The following PPARGC1B variants were observed in gnomAD, a reference collection of about 807,000 sequenced individuals.
PPARGC1B encodes PPARG coactivator 1 beta.
PPARGC1B carries 34 observed loss-of-function variants against 101.6 expected under a neutral mutation model. That is an observed-to-expected ratio of 0.33 (90% confidence interval 0.25 to 0.45). PPARGC1B has a LOEUF of 0.45. Ranked by LOEUF, PPARGC1B falls within the 20% of genes least tolerant of loss-of-function variation. The pLI is 1.00. For synonymous variants in PPARGC1B, 548 were observed against 539.3 expected (o/e 1.02, Z -0.22); for missense variants, 1,234 against 1,317.6 (o/e 0.94, Z 0.98).
chr5:149,733,390 T>C (rs4705365), intron 1 of PPARGC1B, among the ~76,000 whole-genome samples: 123,527 of 152,146 alleles, frequency 0.81, 50,295 homozygotes, highest in South Asian at 0.9. Flanking sequence ...GTACCCTCAC[T>C]CACCCGTCCT....
intron 2 of PPARGC1B, 41 bp downstream of exon 2, chr5:149,820,647 CCT>C: frequency 1.3e-6 from 2 of 1,566,196 alleles, no homozygotes; most frequent in Non-Finnish European, 1.7e-6. Flanking sequence ...CCCTGCCAGG[CCT>C]CTCTCTCCTC....
chr5:149,791,777 G>GCAGTAC (rs1363087664), intron 1 of PPARGC1B, among the ~76,000 whole-genome samples: 1 of 152,186 alleles, frequency 6.6e-6, no homozygotes, highest in Non-Finnish European at 1.5e-5. Flanking sequence ...CTGGTGTCCA[G>GCAGTAC]CAGTACCCTT....
intron 3 of PPARGC1B, among the ~76,000 whole-genome samples, chr5:149,829,633 C>T (rs1758664013): frequency 1.3e-5 from 2 of 151,578 alleles, no homozygotes; most frequent in African/African-American, 4.9e-5. Context: ...AGCTCAGGTA[C>T]ACTCTGTACC....
chr5:149,769,317 C>CCGT (rs1756035054), intron 1 of PPARGC1B, among the ~76,000 whole-genome samples: 1 of 152,230 alleles, frequency 6.6e-6, no homozygotes, highest in Non-Finnish European at 1.5e-5. Context: ...TCCTAACAGG[C>CCGT]CACGGACTTG....
At chr5:149,825,446 G>A (rs940279707) in intron 2 of PPARGC1B, among the ~76,000 whole-genome samples, 1 of 152,186 alleles carries the variant, frequency 6.6e-6, no homozygotes, top group Admixed American at 6.5e-5. Flanking sequence ...GCCTTTGATT[G>A]GGGTTTCCCT....
chr5:149,812,039 A>AC (rs1757884804), intron 1 of PPARGC1B, among the ~76,000 whole-genome samples: 1 of 152,196 alleles, frequency 6.6e-6, no homozygotes. Flanking sequence ...CTGACCAGGT[A>AC]CCTACTTGGC....
chr5:149,779,571 G>T (rs1756520511), intron 1 of PPARGC1B, among the ~76,000 whole-genome samples: 1 of 152,208 alleles, frequency 6.6e-6, no homozygotes, highest in Non-Finnish European at 1.5e-5. Context: ...GAAACAAGGA[G>T]ACAAATCAGA....
At chr5:149,768,277 C>T (rs550697068) in intron 1 of PPARGC1B, among the ~76,000 whole-genome samples, 7 of 152,174 alleles carry the variant, frequency 4.6e-5, no homozygotes, top group African/African-American at 1.4e-4. Flanking sequence ...TGCCACTCAG[C>T]GATAGGGTTT....
chr5:149,762,727 T>C (rs553976471), intron 1 of PPARGC1B, among the ~76,000 whole-genome samples: 2 of 152,332 alleles, frequency 1.3e-5, no homozygotes, highest in African/African-American at 4.8e-5. Context: ...CCTTGGCAAC[T>C]TGGGTTTTGA....
intron 2 of PPARGC1B, among the ~76,000 whole-genome samples, chr5:149,822,267 C>A (rs983248840): frequency 6.6e-6 from 1 of 152,142 alleles, no homozygotes. Context: ...AATGGCCAGA[C>A]CCACCAGTAA....
rs745420688 is a variant in PPARGC1B at position 149,833,040 on chromosome 5, G to T, written c.967G>T (p.Val323Phe). ...GGCCTGCAGCAACCCCTCCCAGCAGGTCAGATCCCGGCCCTGGTCCCGGCA... is the reference window on the plus strand; with the variant it reads ...GGCCTGCAGCAACCCCTCCCAGCAGTTCAGATCCCGGCCCTGGTCCCGGCA... ...PKACSNPSQQVRSRPWSRHHS... is the reference protein window; with the variant it reads ...PKACSNPSQQFRSRPWSRHHS... The change falls in exon 5 of 12, where the codon GTC (valine) becomes TTC (phenylalanine). Residue 323 changes from valine to phenylalanine, a missense_variant. Val to Phe is a conservative substitution (Grantham distance 50). Transcript: ENST00000309241. The surrounding 1 kb of genome is among the most constrained non-coding windows in gnomAD (Gnocchi z 4.1). The T allele has an allele frequency of 6.2e-7, 1 of 1,613,734 alleles. No individual in the cohort carries two copies. The highest frequency in any genetic ancestry group is 1.3e-5 in the African/African-American group (1 of 74,942).
chr5:149,790,031 G>A (rs904945357), intron 1 of PPARGC1B, among the ~76,000 whole-genome samples: 9 of 152,182 alleles, frequency 5.9e-5, no homozygotes, highest in African/African-American at 2.2e-4. Context: ...ACCACTTCTA[G>A]CTGGGTGACC....
chr5:149,731,529 G>A lies in PPARGC1B; in HGVS notation c.78+1109G>A, dbSNP rs756006625. 9.2e-4 allele frequency among the ~76,000 whole-genome samples: 140 copies of A among 152,236 alleles called. 1 individual carries two copies. The highest frequency in any genetic ancestry group is 1.8e-3 in the Non-Finnish European group (119 of 67,998). On this transcript the variant is annotated intron_variant, in intron 1 of 11. Coordinates refer to ENST00000309241, the MANE Select transcript of PPARGC1B (RefSeq NM_133263.4). ...GAGGGGCGGCCGGGCGGAACCGGGC[G>A]CGGCTCGCGGGGGCTGGTTTGGTAC...
At chr5:149,842,495 C>A in intron 10 of PPARGC1B, 118 bp downstream of exon 10, 1 of 1,426,910 alleles carries the variant, frequency 7.0e-7, no homozygotes. Flanking sequence ...AAATCCATAG[C>A]CTAGATGTGG....
chr5:149,820,517 GCCA>G lies in PPARGC1B; in HGVS notation c.166_168del (p.Thr56del). The G allele has an allele frequency of 6.2e-7, 1 of 1,613,982 alleles. No individual in the cohort carries two copies. The highest frequency in any genetic ancestry group is 8.5e-7 in the Non-Finnish European group (1 of 1,180,018). ...GCTGGATGCCAGCGACTTTGACTCG[GCCA>G]CCTGCTTTGGGGAGCTGCAGTGGTG... On this transcript the variant is annotated inframe_deletion, in exon 2 of 12. Coordinates refer to ENST00000309241, the MANE Select transcript of PPARGC1B (RefSeq NM_133263.4).
chr5:149,818,837 A>G (rs377660738), intron 1 of PPARGC1B: 2 of 456,648 alleles, frequency 4.4e-6, no homozygotes, highest in East Asian at 6.9e-5. Flanking sequence ...TGCCTCTTTT[A>G]ATCTTAACAT....
chr5:149,836,232 T>G, intron 7 of PPARGC1B, 31 bp from the exon 8 acceptor site: 1 of 1,508,286 alleles, frequency 6.6e-7, no homozygotes, highest in Non-Finnish European at 8.9e-7. Flanking sequence ...TGATCTGTCT[T>G]TATCTTACCT....
chr5:149,793,370 T>C (rs1385467824), intron 1 of PPARGC1B, among the ~76,000 whole-genome samples: 2 of 152,094 alleles, frequency 1.3e-5, no homozygotes, highest in Non-Finnish European at 2.9e-5. Context: ...CAGAAGGAAG[T>C]TGGTTCCCCA....
chr5:149,734,935 C>T (rs754695199), intron 1 of PPARGC1B, among the ~76,000 whole-genome samples: 8 of 152,138 alleles, frequency 5.3e-5, no homozygotes, highest in African/African-American at 7.2e-5. Flanking sequence ...CTTGTCTCCT[C>T]GTTGTTCTAA....
Sources: gnomAD v4.1 joint callset for allele counts (sites outside exome capture counted in the v4.1 genomes callset) on GRCh38, gnomAD v4.1.1 for gene constraint, Gnocchi (gnomAD v3.1) non-coding constraint, MANE v1.5 for transcripts, NCBI Gene and HGNC (gene_info 2026-07-23, HGNC 2026-07-21) for gene names.